PLBD1: variants seen among roughly 807,000 people sequenced by gnomAD.
PLBD1 encodes phospholipase B domain containing 1.
Under a neutral mutation model 63.0 loss-of-function variants are expected in PLBD1, and 60 were observed. That is an observed-to-expected ratio of 0.95 (90% CI 0.77 to 1.18). The LOEUF is 1.18. Among genes scored for constraint, PLBD1 ranks in the 50% most tolerant of loss-of-function variants. PLBD1 has a pLI of 0.00. For missense variants in PLBD1, 598 were observed against 677.9 expected (o/e 0.88, Z 1.31); for synonymous variants, 262 against 248.0 (o/e 1.06, Z -0.53).
At chr12:14,508,164 CAT>C (rs1945270694) in intron 8 of PLBD1, among the ~76,000 whole-genome samples, 1 of 152,210 alleles carries the variant, frequency 6.6e-6, no homozygotes, top group Non-Finnish European at 1.5e-5. Context: ...GTTGCTAAAA[CAT>C]ATCTAGGTTA....
chr12:14,566,962 G>T (rs1325687235), intron 1 of PLBD1, among the ~76,000 whole-genome samples: 1 of 152,116 alleles, frequency 6.6e-6, no homozygotes, highest in Non-Finnish European at 1.5e-5. Context: ...GGGCATGGTG[G>T]CTGACGCCTG....
chr12:14,530,772 ATC>A (rs1291526331), intron 6 of PLBD1, among the ~76,000 whole-genome samples: 3 of 152,198 alleles, frequency 2.0e-5, no homozygotes, highest in African/African-American at 7.2e-5. Flanking sequence ...CTAGTGATTT[ATC>A]TCTTTGTCTT....
chr12:14,511,746 T>C (rs980773215), intron 6 of PLBD1, 35 bp from the exon 7 acceptor site: 1 of 1,570,672 alleles, frequency 6.4e-7, no homozygotes, highest in Non-Finnish European at 8.8e-7. Context: ...TCAGCATATG[T>C]ATACATGGAA....
In PLBD1 at chr12:14,553,400, G is replaced by A; in HGVS notation, c.128C>T (p.Ala43Val). Residue 43 changes from alanine to valine, a missense_variant, in exon 2 of 11, where the codon GCA becomes GTA. Ala to Val is a moderately conservative substitution (Grantham distance 64). Coordinates refer to ENST00000240617, the MANE Select transcript of PLBD1 (RefSeq NM_024829.6). Reference sequence around the variant, plus strand: ...TTCAGCAGGCATCCAGTATGCAGTTGCATAGTAGACTCCTAGAAGAAAAGG... The same window carrying A: ...TTCAGCAGGCATCCAGTATGCAGTTACATAGTAGACTCCTAGAAGAAAAGG... Reference protein sequence around the residue: ...EPPKPAGVYYATAYWMPAEKT... With the variant: ...EPPKPAGVYYVTAYWMPAEKT... 13 of 1,613,710 alleles carry A rather than the reference G, an allele frequency of 8.1e-6. No homozygotes were observed. Among genetic ancestry groups the A allele is most frequent in the Non-Finnish European group, 1.1e-5 (13 of 1,179,674 alleles).
At position 14,507,202 on chromosome 12, in the gene PLBD1, A is replaced by C. The variant is rs147713610; in HGVS notation, c.1187-84T>G. 286 of 1,061,080 alleles carry C rather than the reference A, an allele frequency of 2.7e-4. 3 individuals carry two copies. The African/African-American group carries it at 4.1e-3, about 15-fold the overall frequency. 65.7% of individuals were successfully genotyped at this position (1,061,080 alleles called of 1,614,324 possible). On this transcript the variant is annotated intron_variant, in intron 8 of 10. Transcript: ENST00000240617. ...AGAGAGAGCAAAAGAAATGTTATCC[A>C]TGTTCATTTATTTTGAAAATGGGCA...
At chr12:14,543,030 C>T (rs1489803155) in intron 2 of PLBD1, among the ~76,000 whole-genome samples, 1 of 152,052 alleles carries the variant, frequency 6.6e-6, no homozygotes, top group Non-Finnish European at 1.5e-5. Context: ...AAAAATGTCT[C>T]ATATGGTGTA....
intron 2 of PLBD1, among the ~76,000 whole-genome samples, chr12:14,548,105 G>C (rs1945629042): frequency 6.6e-6 from 1 of 152,050 alleles, no homozygotes; most frequent in African/African-American, 2.4e-5. Flanking sequence ...CATCGTCATT[G>C]GTATTTTATG....
intron 6 of PLBD1, chr12:14,531,316 C>T (rs1945459725): frequency 6.6e-6 from 1 of 152,138 alleles, no homozygotes; most frequent in South Asian, 2.1e-4. Flanking sequence ...AAAACCATGA[C>T]TTTTTGGAAC....
chr12:14,542,646 AG>A (rs1945583717), intron 2 of PLBD1, among the ~76,000 whole-genome samples: 3 of 152,258 alleles, frequency 2.0e-5, no homozygotes, highest in Admixed American at 2.0e-4. Flanking sequence ...TAATAACTTC[AG>A]TCTTGAATCT....
At chr12:14,549,451 C>T (rs1945640001) in intron 2 of PLBD1, among the ~76,000 whole-genome samples, 1 of 152,170 alleles carries the variant, frequency 6.6e-6, no homozygotes, top group South Asian at 2.1e-4. Flanking sequence ...GGAAGCCCCT[C>T]TTTGAGAAGG....
chr12:14,532,413 C>A (rs749881624), intron 6 of PLBD1, among the ~76,000 whole-genome samples: 1 of 152,126 alleles, frequency 6.6e-6, no homozygotes, highest in Admixed American at 6.5e-5. Flanking sequence ...TTCGCTTTAC[C>A]GTCCTCCCCT....
chr12:14,535,905 G>C, intron 5 of PLBD1, 102 bp from the exon 6 acceptor site: 2 of 1,242,782 alleles, frequency 1.6e-6, no homozygotes, highest in South Asian at 2.8e-5. Flanking sequence ...TTTCAGGTAA[G>C]TGTTTATTGC....
chr12:14,543,014 A>C (rs540904670), intron 2 of PLBD1, among the ~76,000 whole-genome samples: 3 of 152,332 alleles, frequency 2.0e-5, no homozygotes, highest in Admixed American at 6.5e-5. Context: ...AAAACTTAAA[A>C]AAATTAAAAA....
intron 1 of PLBD1, among the ~76,000 whole-genome samples, chr12:14,562,847 T>A (rs939704984): frequency 2.0e-5 from 3 of 152,190 alleles, no homozygotes; most frequent in Non-Finnish European, 4.4e-5. Flanking sequence ...TGCCTTATAA[T>A]GTGAAATCTA....
At chr12:14,550,850 C>A (rs1945653061) in intron 2 of PLBD1, among the ~76,000 whole-genome samples, 1 of 151,404 alleles carries the variant, frequency 6.6e-6, no homozygotes, top group South Asian at 2.1e-4. Flanking sequence ...CGCACTCTAG[C>A]CTGGGCAGCA....
At position 14,540,808 on chromosome 12, in the gene PLBD1, G is replaced by A. The variant is rs1244362555; in HGVS notation, c.514C>T (p.Leu172Phe). Residue 172 changes from leucine (L) to phenylalanine (F), a missense_variant, in exon 4 of 11, where the codon CTC becomes TTC. Physicochemically the swap from Leu to Phe is conservative, Grantham distance 22. Transcript: ENST00000240617. ...GCCCTCTTCTTTGCTCCTACATAGA[G>A]GCCATCTATTTGTGCCATCACATAG... The part of the protein sequence containing the change: ...TGYVMAQIDG[L>F]YVGAKKRAIL... 2 of 1,609,714 alleles carry A rather than the reference G, an allele frequency of 1.2e-6. No homozygotes were observed. Among genetic ancestry groups the A allele is most frequent in the East Asian group, 4.5e-5 (2 of 44,808 alleles).
chr12:14,544,697 T>C (rs1454882318), intron 2 of PLBD1, among the ~76,000 whole-genome samples: 1 of 152,188 alleles, frequency 6.6e-6, no homozygotes, highest in Non-Finnish European at 1.5e-5. Context: ...TCAGAATTTT[T>C]TCTCTGATTG....
intron 4 of PLBD1, among the ~76,000 whole-genome samples, chr12:14,537,340 C>A (rs1159957510): frequency 6.6e-6 from 1 of 152,094 alleles, no homozygotes; most frequent in Admixed American, 6.5e-5. Context: ...CCGATACTTT[C>A]TTTTCAGTTG....
At chr12:14,521,796 T>A (rs1368341902) in intron 6 of PLBD1, among the ~76,000 whole-genome samples, 1 of 152,000 alleles carries the variant, frequency 6.6e-6, no homozygotes, top group Non-Finnish European at 1.5e-5. Flanking sequence ...CTCCCATAAC[T>A]GACCTTAAAG....
Sources: allele counts gnomAD v4.1 joint callset (sites outside exome capture counted in the v4.1 genomes callset), GRCh38; gene constraint gnomAD v4.1.1; transcripts MANE v1.5; gene names NCBI Gene and HGNC (gene_info 2026-07-23, HGNC 2026-07-21).